TLK1: variants seen among roughly 807,000 people sequenced by gnomAD.
The protein encoded by TLK1 is serine/threonine-protein kinase tousled-like 1.
Under a neutral mutation model 105.3 loss-of-function variants are expected in TLK1, and 24 were observed. The observed-to-expected ratio is 0.23, with a 90% CI of 0.17 to 0.32. The LOEUF is 0.32. TLK1 is among the 10% of genes least tolerant of loss of function. The pLI, the probability that TLK1 is intolerant of heterozygous loss-of-function variation, is 1.00. For synonymous variants in TLK1, 321 were observed against 310.4 expected, an observed-to-expected ratio of 1.03 and a Z score of -0.36; for missense variants, 558 against 910.5, an observed-to-expected ratio of 0.61 and a Z score of 4.98.
At chr2:171,063,759 G>C (rs11899305) in intron 3 of TLK1, among the ~76,000 whole-genome samples, 1 of 152,022 alleles carries the variant, frequency 6.6e-6, no homozygotes, top group Non-Finnish European at 1.5e-5. Flanking sequence ...GAGTTCAAAC[G>C]GGGTAAACAA....
At chr2:171,152,662 C>T (rs941282712) in intron 1 of TLK1, among the ~76,000 whole-genome samples, 2 of 152,170 alleles carry the variant, frequency 1.3e-5, no homozygotes, top group Non-Finnish European at 2.9e-5. Context: ...AGATCTGCCA[C>T]TAAAGCATTA....
chr2:171,143,505 CCAAAAAAAAAAAAAAAAAAAAAAAAAAAA>C (rs1691669700), intron 1 of TLK1, among the ~76,000 whole-genome samples: 4 of 52,418 alleles, frequency 7.6e-5, no homozygotes, highest in Non-Finnish European at 1.2e-4. Flanking sequence ...GACTCTATCT[CCAAAAAAAAAAAAAAAAAAAAAAAAAAAA>C]AAAAAAAAAA....
At chr2:171,178,784 A>C (rs1692877450) in intron 1 of TLK1, among the ~76,000 whole-genome samples, 1 of 152,244 alleles carries the variant, frequency 6.6e-6, no homozygotes, top group African/African-American at 2.4e-5. Flanking sequence ...TAAACAGAAG[A>C]AATTTAAATG....
intron 1 of TLK1, among the ~76,000 whole-genome samples, chr2:171,135,063 G>C (rs554305743): frequency 1.9e-4 from 29 of 152,242 alleles, no homozygotes; most frequent in African/African-American, 7.0e-4. Flanking sequence ...AAGAATAGTG[G>C]TTACCAGGGG....
rs1189484904 is a variant in TLK1, at chr2:171,160,534, A to C, written c.-106T>G. 5.3e-6 allele frequency: 8 copies of C among 1,498,128 alleles called. No individual in the cohort carries two copies. In the African/African-American group the frequency reaches 1.2e-4, roughly 23 times the overall value. The allele number at this position is 1,498,128 out of a possible 1,614,324, so 92.8% of individuals were successfully genotyped here. ...GGGGGCCGCGCTGAGGGCGAGCGAGAGAGCGAGGGCTGGGAGGGGAGAGTC... is the reference window on the plus strand; with the variant it reads ...GGGGGCCGCGCTGAGGGCGAGCGAGCGAGCGAGGGCTGGGAGGGGAGAGTC... On this transcript the variant is annotated 5_prime_UTR_variant, in exon 1 of 21. Transcript: ENST00000431350. The surrounding 1 kb of genome is among the most constrained non-coding windows in gnomAD (Gnocchi z 4.4).
At chr2:171,081,847 C>T in intron 3 of TLK1, 1 of 481,688 alleles carries the variant, frequency 2.1e-6, no homozygotes, top group South Asian at 1.9e-5. Flanking sequence ...AAAAAGATGC[C>T]ACCTTTGAAG....
chr2:171,202,958 C>T (rs1693432176), intron 1 of TLK1, among the ~76,000 whole-genome samples: 1 of 151,454 alleles, frequency 6.6e-6, no homozygotes, highest in East Asian at 1.9e-4. Context: ...TTTTAGGGTC[C>T]ATATGTTTTT....
At chr2:171,110,672 C>G (rs1385405879) in intron 2 of TLK1, among the ~76,000 whole-genome samples, 1 of 152,088 alleles carries the variant, frequency 6.6e-6, no homozygotes, top group Non-Finnish European at 1.5e-5. Flanking sequence ...AAAACCTAAA[C>G]TAAAAGAACA....
chr2:171,210,850 G>C (rs1693600467), intron 1 of TLK1, among the ~76,000 whole-genome samples: 1 of 152,186 alleles, frequency 6.6e-6, no homozygotes, highest in Non-Finnish European at 1.5e-5. Flanking sequence ...CTGATAACAG[G>C]ATCTAGGCTT....
intron 1 of TLK1, among the ~76,000 whole-genome samples, chr2:171,145,365 G>A (rs1691749992): frequency 2.0e-5 from 3 of 151,692 alleles, no homozygotes; most frequent in Admixed American, 2.0e-4. Flanking sequence ...GCCAAGGCGG[G>A]TGGATCACGA....
In TLK1 at chr2:171,160,217, C is replaced by CGGGGGGGGG. The variant is rs377552379; in HGVS notation, c.139+64_139+72dup. The CGGGGGGGGG allele has an allele frequency of 1.2e-6, 1 of 862,862 alleles. No homozygotes were observed. The highest frequency in any genetic ancestry group is 2.3e-5 in the African/African-American group (1 of 43,848). The allele number at this position is 862,862 out of a possible 1,614,324, so 53.5% of individuals were successfully genotyped here. A position where few individuals can be genotyped will look rare whatever the true frequency, so the allele number is the denominator to read the frequency against. ...CGGAGAAGCCCCGGGGCGGGGGGGG[C>CGGGGGGGGG]GGGGGGGGGGCGCGGGGGTCCGCGG... On this transcript the variant is annotated intron_variant, in intron 1 of 20. Transcript: ENST00000431350. The surrounding 1 kb of genome is among the most constrained non-coding windows in gnomAD (Gnocchi z 4.4).
At chr2:171,211,800 G>A (rs1419383796) in intron 1 of TLK1, among the ~76,000 whole-genome samples, 8 of 150,446 alleles carry the variant, frequency 5.3e-5, no homozygotes, top group South Asian at 4.2e-4. Flanking sequence ...CACCCGCCTC[G>A]GCCTCCCAAA....
At position 171,046,311 on chromosome 2, in the gene TLK1, T is replaced by C; in HGVS notation, c.1032A>G (p.Lys344=). The change falls in exon 11 of 21, where the codon AAA becomes AAG. Residue 344 remains lysine (K), a synonymous_variant. Transcript: ENST00000431350. ...TGGGAGGTTTGCGTTTGGCTAGAAG[T>C]TTCCTTTGCCTTTCAATATCTTCCC... The part of the protein sequence containing the change: ...QQREDIERQR[K]LLAKRKPPTA... 6.2e-7 allele frequency: 1 copy of C among 1,612,854 alleles called. No individual in the cohort carries two copies. Among genetic ancestry groups the C allele is most frequent in the African/African-American group, 1.3e-5 (1 of 74,994 alleles).
At chr2:171,002,709 T>C (rs1165876302) in intron 18 of TLK1, among the ~76,000 whole-genome samples, 3 of 152,186 alleles carry the variant, frequency 2.0e-5, no homozygotes, top group African/African-American at 4.8e-5. Flanking sequence ...CTGGGCTTAC[T>C]GCAATCTCCA....
At chr2:171,120,250 A>T (rs1465773750) in intron 1 of TLK1, among the ~76,000 whole-genome samples, 9 of 69,172 alleles carry the variant, frequency 1.3e-4, no homozygotes, top group Non-Finnish European at 2.8e-4. Flanking sequence ...CTCCGTCAGA[A>T]AAAAAAAAAA....
chr2:171,149,188 G>A (rs564509219), intron 1 of TLK1, among the ~76,000 whole-genome samples: 138 of 137,934 alleles, frequency 1.0e-3, no homozygotes, highest in African/African-American at 3.6e-3. Context: ...CTGGACAACA[G>A]AGCAAGACCC....
At chr2:171,031,395 C>T (rs1183988461) in intron 11 of TLK1, among the ~76,000 whole-genome samples, 1 of 152,192 alleles carries the variant, frequency 6.6e-6, no homozygotes, top group African/African-American at 2.4e-5. Context: ...ATGTTCACAT[C>T]AGTGGCTTTT....
At chr2:171,027,711 T>C (rs1685842138) in intron 12 of TLK1, among the ~76,000 whole-genome samples, 1 of 152,208 alleles carries the variant, frequency 6.6e-6, no homozygotes, top group Non-Finnish European at 1.5e-5. Context: ...AAATGAAGTA[T>C]TTTTTACCAA....
rs370595553 is a variant in TLK1 at position 171,016,290 on chromosome 2, C to T, written c.1237-1342G>A. On this transcript the variant is annotated intron_variant, in intron 12 of 20. Coordinates refer to ENST00000431350, the MANE Select transcript of TLK1 (RefSeq NM_012290.5). ...CCCAGTAACTAGGACTACAGGCATG[C>T]GCCACCACACCTGGCTATTTTTTTG... 3.9e-4 allele frequency among the ~76,000 whole-genome samples: 59 copies of T among 152,174 alleles called. 2 individuals are homozygous for T. In the East Asian group the frequency reaches 9.6e-3, roughly 25 times the overall value.
Sources: allele counts gnomAD v4.1 joint callset (sites outside exome capture counted in the v4.1 genomes callset), GRCh38; gene constraint gnomAD v4.1.1; non-coding constraint Gnocchi (gnomAD v3.1); transcripts MANE v1.5; gene names NCBI Gene and HGNC (gene_info 2026-07-23, HGNC 2026-07-21).